ATP8B1: variants seen among roughly 807,000 people sequenced by gnomAD.
ATP8B1 encodes phospholipid-transporting ATPase IC.
ATP8B1 carries 80 observed loss-of-function variants against 149.9 expected under a neutral mutation model. The ratio of observed to expected loss-of-function variants is 0.53; its 90% CI spans 0.45 to 0.64. The LOEUF (loss-of-function observed/expected upper bound fraction) is 0.64, where lower values mean the gene tolerates loss of function less well. Among genes scored for constraint, ATP8B1 ranks in the 30% least tolerant of loss-of-function variants. The pLI is 0.00. For synonymous variants in ATP8B1, 536 were observed against 562.8 expected, an observed-to-expected ratio of 0.95 and a Z score of 0.67; for missense variants, 1,247 against 1,552.6, an observed-to-expected ratio of 0.80 and a Z score of 3.31.
intron 1 of ATP8B1, among the ~76,000 whole-genome samples, chr18:57,764,781 CAG>C (rs1350558597): frequency 6.1e-5 from 6 of 97,800 alleles, no homozygotes; most frequent in African/African-American, 1.6e-4. Context: ...AAAAAAAAAA[CAG>C]AAAATAAGTG....
intron 16 of ATP8B1, among the ~76,000 whole-genome samples, chr18:57,674,123 G>A (rs1911429096): frequency 6.6e-6 from 1 of 151,274 alleles, no homozygotes; most frequent in East Asian, 2.0e-4. Context: ...GTCAGCAGCT[G>A]TAATCCCAGC....
In ATP8B1 at chr18:57,759,142, C is replaced by G. The variant is rs188463696; in HGVS notation, c.-25-27310G>C. Among the ~76,000 whole-genome samples the G allele has an allele frequency of 2.3e-4, 26 of 113,750 alleles. No homozygotes were observed. In the Admixed American group the frequency reaches 2.7e-3, roughly 12 times the overall value. The allele number at this position is 113,750 out of a possible 152,430, so 74.6% of individuals were successfully genotyped here. On this transcript the variant is annotated intron_variant, in intron 1 of 27. Coordinates refer to ENST00000648908, the MANE Select transcript of ATP8B1 (RefSeq NM_001374385.1). Reference sequence around the variant, plus strand: ...CTGCACTCCAGCCTGGGCGACAGAACGAGATTCCATCTCAAAAAAAAAAAA... The same window carrying G: ...CTGCACTCCAGCCTGGGCGACAGAAGGAGATTCCATCTCAAAAAAAAAAAA...
intron 2 of ATP8B1, among the ~76,000 whole-genome samples, chr18:57,711,748 G>A (rs144985419): frequency 5.3e-5 from 8 of 152,134 alleles, no homozygotes; most frequent in South Asian, 2.1e-4. Context: ...GCACGCCATC[G>A]TACCTAATTT....
intron 1 of ATP8B1, among the ~76,000 whole-genome samples, chr18:57,774,778 T>C (rs1171703803): frequency 6.6e-6 from 1 of 152,166 alleles, no homozygotes; most frequent in Non-Finnish European, 1.5e-5. Context: ...TTAATAAGGC[T>C]CCCTGAGTCA....
In ATP8B1 at chr18:57,653,271, CCTTTT is replaced by C. The variant is rs1388520890; in HGVS notation, c.3016-547_3016-543del. Among the ~76,000 whole-genome samples the C allele has an allele frequency of 5.1e-4, 75 of 146,460 alleles. 1 individual carries two copies. The East Asian group carries it at 0.013, about 26-fold the overall frequency. On this transcript the variant is annotated intron_variant, in intron 24 of 27. Transcript: ENST00000648908. ...ATTGGACTCTCGGGTGCCTTTTTTT[CCTTTT>C]CTTTTCTTTTTTTTTTTTTTTTTTT...
chr18:57,664,606 G>A (rs968178363), intron 20 of ATP8B1, among the ~76,000 whole-genome samples: 2 of 151,580 alleles, frequency 1.3e-5, no homozygotes, highest in Non-Finnish European at 2.9e-5. Context: ...AACTATATCT[G>A]TGTTTGAGAA....
intron 16 of ATP8B1, among the ~76,000 whole-genome samples, chr18:57,672,965 C>T: frequency 3.0e-5 from 1 of 33,708 alleles, no homozygotes; most frequent in South Asian, 1.0e-3. Context: ...ATACATATAT[C>T]TACATATATA....
intron 1 of ATP8B1, among the ~76,000 whole-genome samples, chr18:57,739,240 C>T (rs138802454): frequency 0.011 from 1,638 of 152,170 alleles, 29 homozygotes; most frequent in African/African-American, 0.037. Context: ...TCAGGTGATC[C>T]GCTCACCTTG....
At chr18:57,728,216 T>C (rs1239578329) in intron 2 of ATP8B1, among the ~76,000 whole-genome samples, 1 of 152,128 alleles carries the variant, frequency 6.6e-6, no homozygotes, top group East Asian at 1.9e-4. Context: ...TCAGGCTGCT[T>C]AGGCAGTGTT....
intron 16 of ATP8B1, among the ~76,000 whole-genome samples, chr18:57,674,254 A>AG (rs1226645706): frequency 1.7e-3 from 251 of 145,618 alleles, no homozygotes; most frequent in African/African-American, 5.9e-3. Context: ...AAAAAAAAAA[A>AG]AAAAGAAAAG....
intron 8 of ATP8B1, among the ~76,000 whole-genome samples, chr18:57,696,524 T>C (rs1912817911): frequency 7.1e-6 from 1 of 141,078 alleles, no homozygotes; most frequent in African/African-American, 2.7e-5. Context: ...AGTGGTTAAT[T>C]GGCTTTAAGT....
intron 11 of ATP8B1, among the ~76,000 whole-genome samples, chr18:57,693,260 T>C (rs1453121792): frequency 6.6e-6 from 1 of 152,158 alleles, no homozygotes; most frequent in Non-Finnish European, 1.5e-5. Flanking sequence ...AAGGAGTGCT[T>C]AATATTTGGG....
In ATP8B1 at chr18:57,650,423, G is replaced by T; in HGVS notation, c.3475C>A (p.Pro1159Thr). Residue 1159 changes from proline to threonine, a missense_variant, in exon 27 of 28, where the codon CCC becomes ACC. This residue lies in a region of ATP8B1 where 164 missense variants were observed against 160.3 expected (regional missense o/e 1.02). Transcript: ENST00000648908. ...IILAVAVCLLPVVAIRFLSMT... is the reference protein window; with the variant it reads ...IILAVAVCLLTVVAIRFLSMT... ...GACAGGAATCGAATGGCAACGACGG[G>T]TAGTAAGCACACAGCAACAGCCAGG... 6.2e-7 allele frequency: 1 copy of T among 1,614,004 alleles called. No homozygotes were observed. The highest frequency in any genetic ancestry group is 8.5e-7 in the Non-Finnish European group (1 of 1,179,926).
At chr18:57,700,805 C>G (rs1039297855) in intron 6 of ATP8B1, among the ~76,000 whole-genome samples, 1 of 152,120 alleles carries the variant, frequency 6.6e-6, no homozygotes, top group Admixed American at 6.5e-5. Flanking sequence ...GTAATCCCAT[C>G]TACTCGGAGG....
At chr18:57,797,107 T>C (rs550466163) in intron 1 of ATP8B1, among the ~76,000 whole-genome samples, 1 of 152,270 alleles carries the variant, frequency 6.6e-6, no homozygotes, top group South Asian at 2.1e-4. Context: ...CCATGGAAGC[T>C]TCCCTGAACA....
chr18:57,791,971 C>T (rs866987866), intron 1 of ATP8B1, among the ~76,000 whole-genome samples: 1 of 152,178 alleles, frequency 6.6e-6, no homozygotes, highest in Non-Finnish European at 1.5e-5. Context: ...CACCTGGCAA[C>T]GTAGTGGGTA....
At chr18:57,759,203 T>A (rs1263069494) in intron 1 of ATP8B1, among the ~76,000 whole-genome samples, 2 of 146,056 alleles carry the variant, frequency 1.4e-5, no homozygotes, top group Non-Finnish European at 1.5e-5. Flanking sequence ...GATCCCACGA[T>A]GGCTTGCTTC....
At chr18:57,708,102 G>T (rs1204385816) in intron 2 of ATP8B1, among the ~76,000 whole-genome samples, 5 of 145,168 alleles carry the variant, frequency 3.4e-5, no homozygotes, top group African/African-American at 1.3e-4. Flanking sequence ...AGGTTGCAGT[G>T]AGCCGAGATA....
At chr18:57,700,432 G>A (rs1164360900) in intron 6 of ATP8B1, among the ~76,000 whole-genome samples, 7 of 152,072 alleles carry the variant, frequency 4.6e-5, no homozygotes, top group Admixed American at 2.6e-4. Flanking sequence ...GGTTCATTAC[G>A]TCCACTGGGT....
Sources: allele counts gnomAD v4.1 joint callset (sites outside exome capture counted in the v4.1 genomes callset), GRCh38; gene constraint gnomAD v4.1.1; regional missense constraint gnomAD v4.1.1; transcripts MANE v1.5; gene names NCBI Gene and HGNC (gene_info 2026-07-23, HGNC 2026-07-21).